The following ADGRL3 variants were observed in gnomAD, a reference collection of about 807,000 sequenced individuals.
ADGRL3 encodes the protein adhesion G protein-coupled receptor L3.
ADGRL3 carries 62 observed loss-of-function variants against 153.5 expected under a neutral mutation model. That is an observed-to-expected ratio of 0.40 (90% CI 0.33 to 0.50). The LOEUF is 0.50. Among genes scored for constraint, ADGRL3 ranks in the 20% least tolerant of loss-of-function variants. The pLI, the probability that ADGRL3 is intolerant of heterozygous loss-of-function variation, is 0.47. For synonymous variants in ADGRL3, 710 were observed against 672.5 expected (o/e 1.06, Z -0.86); for missense variants, 1,641 against 1,859.4 (o/e 0.88, Z 2.16).
chr4:61,569,778 A>G (rs1337301846), intron 4 of ADGRL3, among the ~76,000 whole-genome samples: 1 of 152,012 alleles, frequency 6.6e-6, no homozygotes, highest in Non-Finnish European at 1.5e-5. Context: ...TTTAAATTTT[A>G]ATTTTTCTGT....
At chr4:61,994,344 G>T (rs1581789399) in intron 19 of ADGRL3, among the ~76,000 whole-genome samples, 1 of 151,832 alleles carries the variant, frequency 6.6e-6, no homozygotes, top group East Asian at 1.9e-4. Flanking sequence ...TAGAGATGAG[G>T]TCTCACTATA....
At chr4:61,750,077 T>C (rs1214477197) in intron 8 of ADGRL3, among the ~76,000 whole-genome samples, 1 of 151,444 alleles carries the variant, frequency 6.6e-6, no homozygotes, top group East Asian at 1.9e-4. Flanking sequence ...CACTATTCTA[T>C]GTTCTGTGGT....
In ADGRL3 at chr4:62,029,337, T is replaced by C. The variant is rs144554179; in HGVS notation, c.3422+456T>C. On this transcript the variant is annotated intron_variant, in intron 22 of 26. Coordinates refer to ENST00000683033, the MANE Select transcript of ADGRL3 (RefSeq NM_001387552.1). ...TGCAATTGATATTAATGAATTGCTATACTAAATATAAATAAAGAAAAAAAT... is the reference window on the plus strand; with the variant it reads ...TGCAATTGATATTAATGAATTGCTACACTAAATATAAATAAAGAAAAAAAT... Among the ~76,000 whole-genome samples the C allele has an allele frequency of 7.6e-4, 116 of 151,922 alleles. 1 individual carries two copies. The highest frequency in any genetic ancestry group is 1.2e-3 in the South Asian group (6 of 4,832).
intron 9 of ADGRL3, among the ~76,000 whole-genome samples, chr4:61,869,570 AGTCTG>A (rs1276844053): frequency 6.6e-6 from 1 of 151,858 alleles, no homozygotes; most frequent in Non-Finnish European, 1.5e-5. Context: ...TGCAGTCCGC[AGTCTG>A]GCCTGGGCGA....
chr4:61,295,856 C>G (rs1465511243), intron 1 of ADGRL3, among the ~76,000 whole-genome samples: 3 of 151,342 alleles, frequency 2.0e-5, no homozygotes, highest in African/African-American at 7.3e-5. Context: ...GCCTATTGTC[C>G]TAGCTACTTG....
rs376266065 is a variant in ADGRL3, at chr4:61,762,090, A to G, written c.1399+28536A>G. Among the ~76,000 whole-genome samples the G allele has an allele frequency of 1.4e-3, 219 of 152,352 alleles. 6 individuals are homozygous for G. The South Asian group carries it at 0.044, about 31-fold the overall frequency. ...ATTTTCAGAGAAGAATCTGAGTAAA[A>G]CAATAATTGTCTGTAAATGACAAAA... On this transcript the variant is annotated intron_variant, in intron 8 of 26. Transcript: ENST00000683033.
rs547149029 is a variant in ADGRL3 at position 61,780,680 on chromosome 4, C to A, written c.1400-33129C>A. ...TCCCACTGATTTCCCTAAACATAGA[C>A]AGATGAAGAGCTATTTTGAAATACT... is the stretch of plus-strand genomic sequence containing the variant. On this transcript the variant is annotated intron_variant, in intron 8 of 26. Coordinates refer to ENST00000683033, the MANE Select transcript of ADGRL3 (RefSeq NM_001387552.1). 1.0e-3 allele frequency among the ~76,000 whole-genome samples: 159 copies of A among 152,266 alleles called. 3 individuals are homozygous for A. Among genetic ancestry groups the A allele is most frequent in the Middle Eastern group, 0.01 (3 of 294 alleles).
At chr4:61,380,615 A>G (rs995729885) in intron 1 of ADGRL3, among the ~76,000 whole-genome samples, 9 of 152,052 alleles carry the variant, frequency 5.9e-5, no homozygotes, top group Non-Finnish European at 1.2e-4. Context: ...AAACAATTCC[A>G]TCTAATTCTC....
intron 4 of ADGRL3, among the ~76,000 whole-genome samples, chr4:61,533,893 GTTATT>G (rs1358242404): frequency 2.0e-5 from 3 of 151,942 alleles, no homozygotes; most frequent in Admixed American, 6.6e-5. Flanking sequence ...CATATTTTTT[GTTATT>G]TTATTTTATT....
At chr4:61,410,651 G>A (rs2097075163) in intron 2 of ADGRL3, among the ~76,000 whole-genome samples, 1 of 152,174 alleles carries the variant, frequency 6.6e-6, no homozygotes, top group Non-Finnish European at 1.5e-5. Context: ...GTGGACAGGT[G>A]ATCTCCAAGT....
intron 13 of ADGRL3, among the ~76,000 whole-genome samples, chr4:61,916,004 A>T (rs974751193): frequency 6.6e-6 from 1 of 152,150 alleles, no homozygotes; most frequent in Non-Finnish European, 1.5e-5. Context: ...TCAATTACTT[A>T]GAAGTTCAGT....
At chr4:61,752,978 G>A (rs80115973) in intron 8 of ADGRL3, among the ~76,000 whole-genome samples, 13,196 of 151,872 alleles carry the variant, frequency 0.087, 1,217 homozygotes, top group African/African-American at 0.23. Flanking sequence ...ATATTTGGGG[G>A]TATTGTGTAC....
At chr4:61,757,229 G>A (rs1472975590) in intron 8 of ADGRL3, among the ~76,000 whole-genome samples, 4 of 152,058 alleles carry the variant, frequency 2.6e-5, no homozygotes, top group Non-Finnish European at 4.4e-5. Context: ...GGTAGAATTC[G>A]GCTGTGAATC....
intron 25 of ADGRL3, chr4:62,063,478 C>G: frequency 2.4e-6 from 1 of 420,234 alleles, no homozygotes; most frequent in Non-Finnish European, 4.1e-6. Flanking sequence ...TTTTTTTTTT[C>G]TCTGTCTTTC....
intron 17 of ADGRL3, among the ~76,000 whole-genome samples, chr4:61,978,539 A>G (rs1432759528): frequency 1.3e-5 from 2 of 152,192 alleles, no homozygotes; most frequent in Non-Finnish European, 2.9e-5. Context: ...GTCATAAACA[A>G]TTTCTCAACT....
intron 2 of ADGRL3, among the ~76,000 whole-genome samples, chr4:61,442,313 G>A (rs1030375828): frequency 1.3e-5 from 2 of 152,212 alleles, no homozygotes; most frequent in African/African-American, 4.8e-5. Flanking sequence ...ACTATGGTTT[G>A]CTGGAGGAAG....
At chr4:61,797,484 A>G (rs944611496) in intron 8 of ADGRL3, among the ~76,000 whole-genome samples, 3 of 152,220 alleles carry the variant, frequency 2.0e-5, no homozygotes, top group Non-Finnish European at 2.9e-5. Flanking sequence ...TAAAGTAGAA[A>G]GAACTGTAGC....
At chr4:61,533,266 C>G (rs2098634855) in intron 4 of ADGRL3, among the ~76,000 whole-genome samples, 1 of 152,106 alleles carries the variant, frequency 6.6e-6, no homozygotes, top group South Asian at 2.1e-4. Context: ...AGGTTGAAAT[C>G]ATTGTGATGT....
intron 9 of ADGRL3, 104 bp downstream of exon 9, chr4:61,813,993 G>GC (rs2097659902): frequency 6.9e-7 from 1 of 1,448,318 alleles, no homozygotes; most frequent in Non-Finnish European, 9.3e-7. Flanking sequence ...TGTTCAAAAA[G>GC]CAGGGGTAAA....
Sources: gnomAD v4.1 joint callset for allele counts (sites outside exome capture counted in the v4.1 genomes callset) on GRCh38, gnomAD v4.1.1 for gene constraint, MANE v1.5 for transcripts, NCBI Gene and HGNC (gene_info 2026-07-23, HGNC 2026-07-21) for gene names.